The following BEND7 variants were observed in gnomAD, a reference collection of about 807,000 sequenced individuals.
The protein encoded by BEND7 is BEN domain containing 7, also known as BEN domain-containing protein 7.
Under a neutral mutation model 50.9 loss-of-function variants are expected in BEND7, and 28 were observed. The observed-to-expected ratio is 0.55, with a 90% CI of 0.41 to 0.75. The LOEUF is 0.75. Among genes scored for constraint, BEND7 ranks in the 30% least tolerant of loss-of-function variants. The probability of loss-of-function intolerance (pLI) is 0.00; values close to 1 mark genes in which losing one functional copy is unlikely to be tolerated. For synonymous variants in BEND7, 170 were observed against 183.9 expected (o/e 0.92, Z 0.61); for missense variants, 477 against 491.3 (o/e 0.97, Z 0.28).
intron 6 of BEND7, among the ~76,000 whole-genome samples, chr10:13,469,849 T>C (rs2074634105): frequency 1.3e-5 from 2 of 152,346 alleles, no homozygotes; most frequent in Admixed American, 6.5e-5. Flanking sequence ...GAGTATTCCA[T>C]GATCATTTGC....
intron 6 of BEND7, among the ~76,000 whole-genome samples, chr10:13,469,033 T>C (rs1024735842): frequency 5.3e-5 from 8 of 152,206 alleles, no homozygotes; most frequent in Admixed American, 5.2e-4. Flanking sequence ...TCATTTCTAA[T>C]TGGGATTTGC....
intron 2 of BEND7, among the ~76,000 whole-genome samples, chr10:13,506,207 G>A (rs1027653096): frequency 1.3e-5 from 2 of 152,098 alleles, no homozygotes; most frequent in African/African-American, 4.8e-5. Context: ...CCCCCTGTTT[G>A]CAGATGGCAC....
In BEND7 at chr10:13,471,082, A is replaced by C. The variant is rs117774397; in HGVS notation, c.1063+9817T>G. ...TATTCTGTGAGGTCTTCTCCTAGTG[A>C]GATTTACATCCTCTGTGCTTCCTCC... On this transcript the variant is annotated intron_variant, in intron 6 of 8. Coordinates refer to ENST00000466271, the MANE Select transcript of BEND7 (RefSeq NM_001369863.1). Among the ~76,000 whole-genome samples, 498 of 152,250 alleles carry C rather than the reference A, an allele frequency of 3.3e-3. 1 individual carries two copies. Among genetic ancestry groups the C allele is most frequent in the Middle Eastern group, 6.8e-3 (2 of 294 alleles).
At chr10:13,448,157 A>T (rs1277679331) in intron 7 of BEND7, among the ~76,000 whole-genome samples, 1 of 152,212 alleles carries the variant, frequency 6.6e-6, no homozygotes, top group East Asian at 1.9e-4. Context: ...TGATAAATGT[A>T]TCCATCTCCT....
At chr10:13,461,371 C>T (rs577741906) in intron 6 of BEND7, among the ~76,000 whole-genome samples, 87 of 152,220 alleles carry the variant, frequency 5.7e-4, no homozygotes, top group African/African-American at 2.0e-3. Flanking sequence ...GGTCTACCCC[C>T]GAGTACAGGG....
At chr10:13,458,054 C>T (rs976924370) in intron 6 of BEND7, among the ~76,000 whole-genome samples, 11 of 152,236 alleles carry the variant, frequency 7.2e-5, no homozygotes, top group African/African-American at 2.7e-4. Flanking sequence ...TAAAGCATCT[C>T]TTCTGCTTAG....
chr10:13,471,401 G>C (rs1187950066), intron 6 of BEND7, among the ~76,000 whole-genome samples: 1 of 152,196 alleles, frequency 6.6e-6, no homozygotes, highest in Non-Finnish European at 1.5e-5. Context: ...ACACTGTTTG[G>C]GGAAATGTCA....
At chr10:13,500,534 G>A (rs1319410961) in intron 2 of BEND7, 2 of 990,656 alleles carry the variant, frequency 2.0e-6, no homozygotes, top group Non-Finnish European at 2.4e-6. Context: ...ACCAGGCGGG[G>A]CAAGGACAAG....
intron 6 of BEND7, among the ~76,000 whole-genome samples, chr10:13,474,747 G>A (rs1314480640): frequency 2.0e-5 from 3 of 152,090 alleles, no homozygotes; most frequent in African/African-American, 2.4e-5. Context: ...ACCCATCATC[G>A]CTGTTAGACT....
chr10:13,480,770 T>C (rs2075798711), intron 6 of BEND7, 129 bp downstream of exon 6: 2 of 1,498,608 alleles, frequency 1.3e-6, no homozygotes, highest in Admixed American at 4.6e-5. Flanking sequence ...GAAAGCCATG[T>C]GAATGGCTAA....
At chr10:13,470,949 T>C (rs2074762005) in intron 6 of BEND7, among the ~76,000 whole-genome samples, 1 of 152,236 alleles carries the variant, frequency 6.6e-6, no homozygotes, top group African/African-American at 2.4e-5. Flanking sequence ...TTTCACCCAA[T>C]GTTTTATTGA....
In BEND7 at chr10:13,473,248, C is replaced by T. The variant is rs143996533; in HGVS notation, c.1063+7651G>A. 3.1e-3 allele frequency among the ~76,000 whole-genome samples: 466 copies of T among 151,738 alleles called. 4 individuals are homozygous for T. Among genetic ancestry groups the T allele is most frequent in the African/African-American group, 0.011 (451 of 41,352 alleles). ...TAGACTCAGGGCCGATATCTGTCATCGCTGTTAGACTCAGGGCCGATATCG... is the reference window on the plus strand; with the variant it reads ...TAGACTCAGGGCCGATATCTGTCATTGCTGTTAGACTCAGGGCCGATATCG... On this transcript the variant is annotated intron_variant, in intron 6 of 8. Transcript: ENST00000466271.
intron 7 of BEND7, among the ~76,000 whole-genome samples, chr10:13,449,354 G>A (rs76311370): frequency 0.01 from 1,555 of 152,118 alleles, 12 homozygotes; most frequent in Non-Finnish European, 0.017. Flanking sequence ...AAATGCTCAC[G>A]GGGCACTTGA....
intron 6 of BEND7, among the ~76,000 whole-genome samples, chr10:13,462,469 A>G (rs1840412492): frequency 6.6e-6 from 1 of 152,200 alleles, no homozygotes; most frequent in South Asian, 2.1e-4. Context: ...CCTGCCCTTG[A>G]TATGTGGGGA....
intron 5 of BEND7, among the ~76,000 whole-genome samples, chr10:13,486,226 C>T (rs1342886336): frequency 1.3e-5 from 2 of 152,178 alleles, no homozygotes; most frequent in South Asian, 2.1e-4. Context: ...AGGGGGGTCT[C>T]GCTTTGTTGC....
downstream of BEND7, among the ~76,000 whole-genome samples, chr10:13,440,519 G>C (rs1461017802): frequency 6.6e-6 from 1 of 152,222 alleles, no homozygotes; most frequent in Middle Eastern, 3.2e-3. Context: ...TGTAAAACCA[G>C]GGGCCCAGAG....
chr10:13,490,643 C>T (rs2131968008), intron 5 of BEND7, among the ~76,000 whole-genome samples: 1 of 152,316 alleles, frequency 6.6e-6, no homozygotes, highest in South Asian at 2.1e-4. Context: ...ACAATTCTTC[C>T]TTTACTGGAA....
chr10:13,465,606 G>A (rs2074163599), intron 6 of BEND7, among the ~76,000 whole-genome samples: 1 of 152,150 alleles, frequency 6.6e-6, no homozygotes, highest in South Asian at 2.1e-4. Context: ...GTTTACTTCT[G>A]AGAATTTGGA....
intron 2 of BEND7, among the ~76,000 whole-genome samples, chr10:13,521,435 A>T (rs1213612031): frequency 1.3e-5 from 2 of 152,172 alleles, no homozygotes; most frequent in Non-Finnish European, 2.9e-5. Flanking sequence ...GGTAAATAAC[A>T]CTATTACTGG....
Sources: gnomAD v4.1 joint callset for allele counts (sites outside exome capture counted in the v4.1 genomes callset) on GRCh38, gnomAD v4.1.1 for gene constraint, MANE v1.5 for transcripts, NCBI Gene and HGNC (gene_info 2026-07-23, HGNC 2026-07-21) for gene names.